DOCK1: variants seen among roughly 807,000 people sequenced by gnomAD.
DOCK1 encodes the protein dedicator of cytokinesis protein 1.
Under a neutral mutation model 262.7 loss-of-function variants are expected in DOCK1, and 138 were observed. The ratio of observed to expected loss-of-function variants is 0.53; its 90% CI spans 0.46 to 0.61. The LOEUF is 0.61. Among genes scored for constraint, DOCK1 ranks in the 20% least tolerant of loss-of-function variants. DOCK1 has a pLI of 0.00. For synonymous variants in DOCK1, 866 were observed against 867.4 expected, an observed-to-expected ratio of 1.00 and a Z score of 0.03; for missense variants, 1,908 against 2,370.7, an observed-to-expected ratio of 0.80 and a Z score of 4.05.
intron 1 of DOCK1, among the ~76,000 whole-genome samples, chr10:126,963,641 T>TC (rs1554962857): frequency 1.3e-4 from 6 of 44,512 alleles, no homozygotes; most frequent in East Asian, 1.0e-3. Flanking sequence ...TTCCCTTCCC[T>TC]CCTTCCTTCC....
rs2041559335 is a variant in DOCK1, at chr10:127,012,758, G to T, written c.1201+384G>T. Among the ~76,000 whole-genome samples the T allele has an allele frequency of 6.6e-6, 1 of 151,698 alleles. No homozygotes were observed. Among genetic ancestry groups the T allele is most frequent in the Non-Finnish European group, 1.5e-5 (1 of 67,900 alleles). On this transcript the variant is annotated intron_variant, in intron 12 of 51. Transcript: ENST00000623213. This position sits in a 1 kb window ranked among gnomAD's most constrained non-coding sequence, Gnocchi z 4.0. ...GTGCAGACTTGCTCCCCTGAGTTCTGTCATTTAAGTGATTTCTCCGCCCCT... is the reference window on the plus strand; with the variant it reads ...GTGCAGACTTGCTCCCCTGAGTTCTTTCATTTAAGTGATTTCTCCGCCCCT...
chr10:127,324,152 G>C (rs2062657932), intron 29 of DOCK1, among the ~76,000 whole-genome samples: 1 of 152,174 alleles, frequency 6.6e-6, no homozygotes, highest in Admixed American at 6.6e-5. Flanking sequence ...CCCACGGTGG[G>C]GGAGAATCCG....
At chr10:127,392,317 C>T (rs1255231011) in intron 38 of DOCK1, among the ~76,000 whole-genome samples, 1 of 152,166 alleles carries the variant, frequency 6.6e-6, no homozygotes, top group Non-Finnish European at 1.5e-5. Flanking sequence ...CTCCAGGGAC[C>T]ATCCCTGAGT....
intron 23 of DOCK1, among the ~76,000 whole-genome samples, chr10:127,064,628 C>T (rs966076161): frequency 1.7e-4 from 26 of 152,314 alleles, no homozygotes; most frequent in African/African-American, 5.5e-4. Flanking sequence ...GGCCGTCTCC[C>T]GTCACCCCCG....
intron 1 of DOCK1, among the ~76,000 whole-genome samples, chr10:126,932,501 A>C (rs2034257786): frequency 6.6e-6 from 1 of 152,238 alleles, no homozygotes; most frequent in African/African-American, 2.4e-5. Flanking sequence ...CTGGAGGAGC[A>C]TTGGAACACT....
chr10:127,018,439 G>C (rs905944854), intron 12 of DOCK1: 2 of 487,590 alleles, frequency 4.1e-6, no homozygotes, highest in African/African-American at 3.9e-5. Context: ...GCATTCCTCA[G>C]CAGCACAGTG....
chr10:127,132,621 T>C (rs1400687772), intron 27 of DOCK1, among the ~76,000 whole-genome samples: 2 of 152,094 alleles, frequency 1.3e-5, no homozygotes, highest in Non-Finnish European at 2.9e-5. Context: ...GGATAGGTGC[T>C]GTTGTGTTGT....
intron 23 of DOCK1, among the ~76,000 whole-genome samples, chr10:127,067,298 G>A (rs2045934390): frequency 6.6e-6 from 1 of 152,182 alleles, no homozygotes; most frequent in Non-Finnish European, 1.5e-5. Context: ...TTTGCAGTCA[G>A]TTCTTACAGG....
intron 36 of DOCK1, 143 bp from the exon 37 acceptor site, chr10:127,381,135 T>G (rs1291675287): frequency 8.4e-6 from 5 of 592,480 alleles, no homozygotes; most frequent in Non-Finnish European, 1.3e-5. Context: ...TACCAAAAGT[T>G]TTTAAGGCAT....
chr10:127,137,968 T>C (rs528173288), intron 27 of DOCK1: 4 of 1,613,950 alleles, frequency 2.5e-6, no homozygotes, highest in Non-Finnish European at 2.5e-6. Flanking sequence ...GGGTGGAGTT[T>C]TCTTAGAACC....
In DOCK1 at chr10:127,008,750, T is replaced by C. The variant is rs746697217; in HGVS notation, c.1004T>C (p.Ile335Thr). ...TCTCCAGTGATGGATGTAACAGATA[T>C]AATAAATGGAAAAGTAGATGATGAA... The part of the protein sequence containing the change: ...FGVAVMDVTD[I>T]INGKVDDEDK... Residue 335 changes from isoleucine (I) to threonine (T), a missense_variant, in exon 11 of 52, where the codon ATA becomes ACA. Ile to Thr is a moderately conservative substitution (Grantham distance 89, BLOSUM62 -1). Around this residue, in one of 9 missense-constraint regions of DOCK1, gnomAD observed 102 missense variants for 154.9 expected, o/e 0.66. Transcript: ENST00000623213. 1.5e-5 allele frequency: 24 copies of C among 1,596,608 alleles called. No homozygotes were observed. Among genetic ancestry groups the C allele is most frequent in the East Asian group, 6.7e-5 (3 of 44,526 alleles).
intron 4 of DOCK1, among the ~76,000 whole-genome samples, chr10:126,985,593 C>T (rs544736884): frequency 5.3e-5 from 8 of 152,200 alleles, no homozygotes; most frequent in African/African-American, 1.9e-4. Context: ...TTCTCATAGC[C>T]AGTGTGAGGA....
intron 38 of DOCK1, among the ~76,000 whole-genome samples, chr10:127,392,515 C>G (rs755673122): frequency 2.0e-5 from 3 of 152,098 alleles, no homozygotes; most frequent in Non-Finnish European, 4.4e-5. Flanking sequence ...TCCCAGACAC[C>G]CCCTGCCCAC....
chr10:126,937,524 T>TG (rs2034635700), intron 1 of DOCK1, among the ~76,000 whole-genome samples: 1 of 151,710 alleles, frequency 6.6e-6, no homozygotes, highest in South Asian at 2.1e-4. Flanking sequence ...TTTTTTTTTT[T>TG]GTCTTCTTTT....
chr10:127,369,169 C>T (rs1427673257), intron 33 of DOCK1, among the ~76,000 whole-genome samples: 1 of 152,200 alleles, frequency 6.6e-6, no homozygotes, highest in Non-Finnish European at 1.5e-5. Flanking sequence ...GGGTGAATGT[C>T]AGCGGCTCTG....
Position 127,451,840 on chromosome 10 carries a change from A to C in DOCK1, c.*413A>C. 4.9e-6 allele frequency: 1 copy of C among 203,750 alleles called. No homozygotes were observed. The highest frequency in any genetic ancestry group is 9.8e-6 in the Non-Finnish European group (1 of 101,880). The allele number at this position is 203,750 out of a possible 1,614,324, so 12.6% of individuals were successfully genotyped here. ...AGCTGTGTAGTGATGATGTATAAGAATCCTCCTCACTGTCATGGGATGTTG... is the reference window on the plus strand; with the variant it reads ...AGCTGTGTAGTGATGATGTATAAGACTCCTCCTCACTGTCATGGGATGTTG... On this transcript the variant is annotated 3_prime_UTR_variant, in exon 52 of 52. Transcript: ENST00000623213.
intron 37 of DOCK1, among the ~76,000 whole-genome samples, 193 bp downstream of exon 37, chr10:127,381,561 C>T (rs1279717663): frequency 1.3e-5 from 2 of 152,166 alleles, no homozygotes; most frequent in Non-Finnish European, 2.9e-5. Flanking sequence ...CTGCTGAATG[C>T]AGATTTAATT....
At chr10:127,256,121 A>G (rs2059818754) in intron 28 of DOCK1, among the ~76,000 whole-genome samples, 1 of 152,204 alleles carries the variant, frequency 6.6e-6, no homozygotes, top group East Asian at 1.9e-4. Flanking sequence ...TAGAGTGATC[A>G]GGATCACTCA....
intron 35 of DOCK1, among the ~76,000 whole-genome samples, chr10:127,378,630 A>T (rs571479639): frequency 6.6e-6 from 1 of 152,228 alleles, no homozygotes; most frequent in African/African-American, 2.4e-5. Flanking sequence ...TGAAGGTCGC[A>T]TGATATTCCC....
Sources: allele counts gnomAD v4.1 joint callset (sites outside exome capture counted in the v4.1 genomes callset), GRCh38; gene constraint gnomAD v4.1.1; regional missense constraint gnomAD v4.1.1; non-coding constraint Gnocchi (gnomAD v3.1); transcripts MANE v1.5; gene names NCBI Gene and HGNC (gene_info 2026-07-23, HGNC 2026-07-21).